HIF3A: variants seen among roughly 807,000 people sequenced by gnomAD.
HIF3A encodes hypoxia inducible factor 3 subunit alpha.
Under a neutral mutation model 67.2 loss-of-function variants are expected in HIF3A, and 41 were observed. That is an observed-to-expected ratio of 0.61 (90% confidence interval 0.48 to 0.79). HIF3A has a LOEUF of 0.79. Among genes scored for constraint, HIF3A ranks in the 30% least tolerant of loss-of-function variants. The pLI, the probability that HIF3A is intolerant of heterozygous loss-of-function variation, is 0.00. For synonymous variants in HIF3A, 356 were observed against 374.8 expected (o/e 0.95, Z 0.58); for missense variants, 855 against 898.0 (o/e 0.95, Z 0.61).
intron 9 of HIF3A, among the ~76,000 whole-genome samples, chr19:46,321,402 G>A (rs1051211159): frequency 3.9e-5 from 6 of 152,118 alleles, no homozygotes; most frequent in African/African-American, 1.4e-4. Context: ...TGGCCAACAT[G>A]GTGAAACCCT....
rs1306909374 is a variant in HIF3A, at chr19:46,321,879, C to T, written c.1248C>T (p.Arg416=). 5.0e-6 allele frequency: 8 copies of T among 1,614,022 alleles called. No homozygotes were observed. Among genetic ancestry groups the T allele is most frequent in the Non-Finnish European group, 5.9e-6 (7 of 1,180,034 alleles). Residue 416 remains arginine, a synonymous_variant, in exon 10 of 15, where the codon CGC becomes CGT. Coordinates refer to ENST00000377670, the MANE Select transcript of HIF3A (RefSeq NM_152795.4). ...PRRFCSPDLR[R]LLGPILDGAS... ...GTTTCTGCAGCCCTGACCTCCGTCG[C>T]CTCCTGGGACCCATCCTGGATGGGG... is the stretch of plus-strand genomic sequence containing the variant.
intron 8 of HIF3A, among the ~76,000 whole-genome samples, chr19:46,315,347 G>A (rs1467092464): frequency 2.0e-5 from 3 of 146,928 alleles, no homozygotes; most frequent in East Asian, 2.3e-4. Flanking sequence ...AATTACAGGC[G>A]TGAGCCACCG....
intron 10 of HIF3A, among the ~76,000 whole-genome samples, chr19:46,324,943 C>CATATATATATATACACATATATATATAT: frequency 7.6e-6 from 1 of 132,252 alleles, no homozygotes; most frequent in African/African-American, 2.8e-5. Flanking sequence ...TATATATATA[C>CATATATATATATACACATATATATATAT]ATATATATAT....
Position 46,339,570 on chromosome 19 carries a change from C to T in HIF3A, c.1958C>T (p.Thr653Ile), listed in dbSNP as rs1229799848. 2 of 1,609,814 alleles carry T rather than the reference C, an allele frequency of 1.2e-6. No individual in the cohort carries two copies. Among genetic ancestry groups the T allele is most frequent in the Admixed American group, 1.7e-5 (1 of 59,734 alleles). Residue 653 changes from threonine to isoleucine, a missense_variant, in exon 15 of 15, where the codon ACC becomes ATC. By Grantham distance (89) the Thr-to-Ile change is moderately conservative. Around this residue, in one of 3 missense-constraint regions of HIF3A, gnomAD observed 199 missense variants for 193.8 expected, o/e 1.03. Transcript: ENST00000377670. The stretch of plus-strand genomic sequence containing the variant: ...TCTCCGTACTCAGACGAGGACACTA[C>T]CCAGCCCGGGGGCCCCTTCCAGCCA... ...LLSPYSDEDT[T>I]QPGGPFQPRA...
Position 46,309,266 on chromosome 19 carries a change from T to TC in HIF3A, c.682dup (p.His228ProfsTer28). The stretch of plus-strand genomic sequence containing the variant: ...TGCCTGGTGCTCATCTGCGAAGCCA[T>TC]CCCCCACCCAGGCAGCCTGGAGCCC... On this transcript the variant is annotated frameshift_variant, in exon 6 of 15. Transcript: ENST00000377670. LOFTEE classifies it high-confidence loss of function. 6.2e-7 allele frequency: 1 copy of TC among 1,613,632 alleles called. No homozygotes were observed. Among genetic ancestry groups the TC allele is most frequent in the Non-Finnish European group, 8.5e-7 (1 of 1,179,832 alleles).
intron 1 of HIF3A, among the ~76,000 whole-genome samples, chr19:46,299,029 C>G (rs1417900687): frequency 6.6e-6 from 1 of 152,262 alleles, no homozygotes; most frequent in African/African-American, 2.4e-5. Context: ...AACTTCTCTC[C>G]TTCCTGGTTG....
At chr19:46,326,344 A>T (rs1457072449) in intron 11 of HIF3A, among the ~76,000 whole-genome samples, 2 of 152,246 alleles carry the variant, frequency 1.3e-5, no homozygotes, top group African/African-American at 4.8e-5. Flanking sequence ...AGAAAGTACA[A>T]GTCCCAGACT....
chr19:46,298,335 TG>T (rs1195189449), intron 1 of HIF3A: 7 of 1,262,574 alleles, frequency 5.5e-6, no homozygotes, highest in East Asian at 5.7e-5. Flanking sequence ...CCTGGCTGGG[TG>T]GGGGCCCCTC....
At chr19:46,308,605 G>T (rs1216461310) in intron 4 of HIF3A, 58 bp from the exon 5 acceptor site, 6 of 1,034,150 alleles carry the variant, frequency 5.8e-6, no homozygotes, top group Non-Finnish European at 7.1e-6. Flanking sequence ...GGTGCCGGAG[G>T]GCACTGGGCC....
intron 14 of HIF3A, among the ~76,000 whole-genome samples, chr19:46,335,284 T>TTTATTTATTTATTTA (rs1488413271): frequency 1.8e-4 from 22 of 124,184 alleles, no homozygotes; most frequent in African/African-American, 8.1e-4. Context: ...TTATTTATTT[T>TTTATTTATTTATTTA]TTGAGATGAA....
chr19:46,329,383 G>C lies in HIF3A; in HGVS notation c.1617G>C (p.Leu539=). The C allele has an allele frequency of 6.2e-7, 1 of 1,610,962 alleles. No individual in the cohort carries two copies. Among genetic ancestry groups the C allele is most frequent in the East Asian group, 2.2e-5 (1 of 44,774 alleles). Residue 539 remains leucine (L), a synonymous_variant, in exon 12 of 15, where the codon CTG becomes CTC. Transcript: ENST00000377670. ...CACCTCCAGCCCTTGAGCCCTCCCT[G>C]CTACCCCGCTGGGGGAGTGACCCCC... ...GLSPPALEPS[L]LPRWGSDPRL...
In HIF3A at chr19:46,321,783, T is replaced by G. The variant is rs780337334; in HGVS notation, c.1152T>G (p.Pro384=). ...TPNPGDSLDT[P]GPRILAFLHP... ...TCTCCATGTGTCCTGCAGACACCCC[T>G]GGCCCCCGGATCCTTGCCTTCCTGC... is the stretch of plus-strand genomic sequence containing the variant. The change falls in exon 10 of 15, where the codon CCT becomes CCG. Residue 384 remains proline (P), a synonymous_variant. Transcript: ENST00000377670. 3 of 1,613,288 alleles carry G rather than the reference T, an allele frequency of 1.9e-6. No individual in the cohort carries two copies. Among genetic ancestry groups the G allele is most frequent in the Non-Finnish European group, 8.5e-7 (1 of 1,179,804 alleles).
chr19:46,325,533 AGGCTGATCTCC>A lies in HIF3A; in HGVS notation c.1336-1_1345del. On this transcript the variant is annotated splice_acceptor_variant and coding_sequence_variant, in exon 11 of 15. Transcript: ENST00000377670. LOFTEE classifies it high-confidence loss of function. The stretch of plus-strand genomic sequence containing the variant: ...TGAAGTTTCTACTCCATCTCTCCAC[AGGCTGATCTCC>A]CAGATGAACTACCTGTGGGCACCGA... 6.2e-7 allele frequency: 1 copy of A among 1,609,368 alleles called. No individual in the cohort carries two copies. The highest frequency in any genetic ancestry group is 8.5e-7 in the Non-Finnish European group (1 of 1,177,020).
At position 46,300,881 on chromosome 19, in the gene HIF3A, C is replaced by T. The variant is rs189700629; in HGVS notation, c.27-3017C>T. ...GTCCCTCCGCAGCCACCAGCTGGCT[C>T]CTTCTATGGAAGAAGCAGCCCAGCC... On this transcript the variant is annotated intron_variant, in intron 1 of 14. Coordinates refer to ENST00000377670, the MANE Select transcript of HIF3A (RefSeq NM_152795.4). 4.8e-3 allele frequency among the ~76,000 whole-genome samples: 728 copies of T among 152,238 alleles called. 5 individuals carry two copies. The highest frequency in any genetic ancestry group is 0.017 in the African/African-American group (700 of 41,546).
intron 13 of HIF3A, among the ~76,000 whole-genome samples, chr19:46,331,726 A>T (rs1300084740): frequency 1.3e-5 from 2 of 151,512 alleles, no homozygotes; most frequent in Non-Finnish European, 2.9e-5. Flanking sequence ...ATGGTGGCGC[A>T]TGCCTGTAAT....
intron 2 of HIF3A, among the ~76,000 whole-genome samples, chr19:46,304,404 G>C (rs373066575): frequency 3.3e-5 from 5 of 152,012 alleles, no homozygotes; most frequent in Non-Finnish European, 4.4e-5. Context: ...CAACTCTTAC[G>C]ATTTGGTCCT....
At chr19:46,323,383 G>T (rs1223367761) in intron 10 of HIF3A, among the ~76,000 whole-genome samples, 1 of 152,094 alleles carries the variant, frequency 6.6e-6, no homozygotes, top group Non-Finnish European at 1.5e-5. Context: ...AATCAAAAAG[G>T]CAGGGGAAGA....
At chr19:46,313,954 A>G (rs1473173751) in intron 8 of HIF3A, among the ~76,000 whole-genome samples, 1 of 151,656 alleles carries the variant, frequency 6.6e-6, no homozygotes, top group South Asian at 2.1e-4. Context: ...GAGCCACTGC[A>G]CCCGGCCCAT....
intron 10 of HIF3A, among the ~76,000 whole-genome samples, chr19:46,323,619 C>G (rs1970549801): frequency 6.6e-6 from 1 of 152,080 alleles, no homozygotes; most frequent in Admixed American, 6.6e-5. Context: ...AATAACACCA[C>G]AGGCCCTGTA....
Sources: allele counts gnomAD v4.1 joint callset (sites outside exome capture counted in the v4.1 genomes callset), GRCh38; gene constraint gnomAD v4.1.1; regional missense constraint gnomAD v4.1.1; transcripts MANE v1.5; gene names NCBI Gene and HGNC (gene_info 2026-07-23, HGNC 2026-07-21).